TMEM50B: variants seen among roughly 807,000 people sequenced by gnomAD.
TMEM50B encodes the protein transmembrane protein 50B.
TMEM50B carries 14 observed loss-of-function variants against 23.4 expected under a neutral mutation model. The ratio of observed to expected loss-of-function variants is 0.60; its 90% CI spans 0.39 to 0.93. The LOEUF is 0.93. Ranked by LOEUF, TMEM50B falls within the 40% of genes least tolerant of loss-of-function variation. TMEM50B has a pLI of 0.00. For synonymous variants in TMEM50B, 64 were observed against 62.3 expected (o/e 1.03, Z -0.13); for missense variants, 159 against 193.0 (o/e 0.82, Z 1.04).
rs1416758316 is a variant in TMEM50B at position 33,479,961 on chromosome 21, C to T, written c.-165G>A. On this transcript the variant is annotated 5_prime_UTR_variant, in exon 1 of 7. Transcript: ENST00000542230. ...CCGGGAGCCCGGAGCTGGGAGCAGA[C>T]GCGAGGATAGAGCGCCGGTGAGGCG... 1 of 152,206 alleles carries T rather than the reference C, an allele frequency of 6.6e-6. No homozygotes were observed. The highest frequency in any genetic ancestry group is 1.5e-5 in the Non-Finnish European group (1 of 68,066). The allele number at this position is 152,206 out of a possible 1,614,324, so 9.4% of individuals were successfully genotyped here.
rs375396057 is a variant in TMEM50B, at chr21:33,460,418, G to A, written c.368C>T (p.Thr123Ile). Residue 123 changes from threonine to isoleucine, a missense_variant, in exon 5 of 7, where the codon ACC becomes ATC. Physicochemically the swap from Thr to Ile is moderately conservative, Grantham distance 89. Coordinates refer to ENST00000542230, the MANE Select transcript of TMEM50B (RefSeq NM_006134.7). Reference protein sequence around the residue: ...SMWILFGAYVTQNTDVYPGLA... With the variant: ...SMWILFGAYVIQNTDVYPGLA... Reference sequence around the variant, plus strand: ...CAAGAAGAATATATACTTACTTTGGGTAACATATGCACCAAAAAGAATCCA... The same window carrying A: ...CAAGAAGAATATATACTTACTTTGGATAACATATGCACCAAAAAGAATCCA... 3.9e-5 allele frequency: 62 copies of A among 1,592,302 alleles called. No homozygotes were observed. The highest frequency in any genetic ancestry group is 5.2e-5 in the Non-Finnish European group (60 of 1,163,042).
At chr21:33,451,932 A>G (rs1177507345) in intron 6 of TMEM50B, among the ~76,000 whole-genome samples, 2 of 152,184 alleles carry the variant, frequency 1.3e-5, no homozygotes, top group Admixed American at 6.5e-5. Flanking sequence ...ATGTAAATAA[A>G]AGAGGTTGTA....
intron 7 of TMEM50B, among the ~76,000 whole-genome samples, chr21:33,440,325 C>T (rs967399486): frequency 6.6e-6 from 1 of 152,164 alleles, no homozygotes; most frequent in Non-Finnish European, 1.5e-5. Flanking sequence ...TAGTGGTTCA[C>T]ACCTGTAATC....
At chr21:33,444,646 T>A (rs1366632297), downstream of TMEM50B, among the ~76,000 whole-genome samples, 1 of 151,566 alleles carries the variant, frequency 6.6e-6, no homozygotes, top group African/African-American at 2.4e-5. Context: ...GTAGAAACTG[T>A]TGGAGCACAG....
chr21:33,451,653 C>A (rs2084121331), intron 6 of TMEM50B, among the ~76,000 whole-genome samples: 1 of 151,978 alleles, frequency 6.6e-6, no homozygotes, highest in Non-Finnish European at 1.5e-5. Context: ...GAGCTGTGGG[C>A]ATACTAAATG....
At chr21:33,457,182 A>G (rs2084176644) in intron 5 of TMEM50B, among the ~76,000 whole-genome samples, 1 of 152,102 alleles carries the variant, frequency 6.6e-6, no homozygotes, top group South Asian at 2.1e-4. Flanking sequence ...TGAACCCAGG[A>G]GGCAGAGGTT....
At chr21:33,460,215 G>C (rs1283422207) in intron 5 of TMEM50B, 198 bp downstream of exon 5, 2 of 516,684 alleles carry the variant, frequency 3.9e-6, no homozygotes, top group Non-Finnish European at 6.9e-6. Context: ...TCAGTGGCTT[G>C]GATTTCCTAA....
intron 6 of TMEM50B, among the ~76,000 whole-genome samples, chr21:33,454,016 T>C (rs2084146304): frequency 6.6e-6 from 1 of 150,884 alleles, no homozygotes; most frequent in African/African-American, 2.4e-5. Context: ...AGGCACGGAA[T>C]TGCTTGAGCC....
chr21:33,464,558 C>A (rs1354059310), intron 4 of TMEM50B, among the ~76,000 whole-genome samples: 2 of 147,926 alleles, frequency 1.4e-5, no homozygotes, highest in African/African-American at 4.9e-5. Context: ...GTAATCCCAG[C>A]ACTTTGGGAG....
chr21:33,453,484 C>G (rs747922240), intron 6 of TMEM50B, among the ~76,000 whole-genome samples: 1 of 152,070 alleles, frequency 6.6e-6, no homozygotes, highest in Non-Finnish European at 1.5e-5. Flanking sequence ...GAGACAACTT[C>G]GAGCAGCCTA....
intron 8 of TMEM50B, among the ~76,000 whole-genome samples, chr21:33,435,761 T>C (rs917561816): frequency 6.6e-5 from 10 of 151,526 alleles, no homozygotes; most frequent in Non-Finnish European, 1.5e-4. Context: ...CATGCGCCTG[T>C]AGTCCCAGCT....
At chr21:33,440,870 G>A (rs1446042696) in intron 7 of TMEM50B, among the ~76,000 whole-genome samples, 1 of 151,992 alleles carries the variant, frequency 6.6e-6, no homozygotes, top group African/African-American at 2.4e-5. Flanking sequence ...GACAGAGCAA[G>A]ACTCTGTCTC....
At chr21:33,432,697 T>C (rs762681401) in exon 9 of TMEM50B, 8 of 1,613,794 alleles carry the variant, frequency 5.0e-6, no homozygotes, top group East Asian at 2.2e-5. Context: ...CTGTTCACTT[T>C]CGTGTCCTCT....
intron 4 of TMEM50B, among the ~76,000 whole-genome samples, chr21:33,463,439 A>C (rs2123440150): frequency 1.3e-5 from 2 of 152,364 alleles, no homozygotes; most frequent in African/African-American, 4.8e-5. Context: ...CAAAGCAACC[A>C]TCATAGAAAG....
At chr21:33,476,339 C>T (rs2084369800) in intron 1 of TMEM50B, among the ~76,000 whole-genome samples, 1 of 152,050 alleles carries the variant, frequency 6.6e-6, no homozygotes, top group Non-Finnish European at 1.5e-5. Flanking sequence ...GCCAAGATCA[C>T]GCCATTGCAC....
intron 5 of TMEM50B, chr21:33,456,096 C>T (rs1298500771): frequency 1.7e-6 from 1 of 597,240 alleles, no homozygotes; most frequent in Non-Finnish European, 3.2e-6. Context: ...CTATGGCCAA[C>T]ACTGAAATGC....
downstream of TMEM50B, chr21:33,447,112 C>T (rs2084067405): frequency 6.9e-6 from 1 of 145,516 alleles, no homozygotes; most frequent in Non-Finnish European, 1.5e-5. Context: ...CACTACACTC[C>T]AGCCTGGGTG....
intron 1 of TMEM50B, chr21:33,479,043 G>C (rs560625978): frequency 3.1e-6 from 1 of 322,032 alleles, no homozygotes; most frequent in Non-Finnish European, 6.0e-6. Flanking sequence ...ACCCAGGCAC[G>C]CGCAGCGGGG....
At chr21:33,437,014 G>C (rs895571365) in intron 8 of TMEM50B, 1 of 1,598,698 alleles carries the variant, frequency 6.3e-7, no homozygotes, top group Non-Finnish European at 8.6e-7. Context: ...CAAGCCATCG[G>C]AGCTGCTAGA....
Sources: gnomAD v4.1 joint callset for allele counts (sites outside exome capture counted in the v4.1 genomes callset) on GRCh38, gnomAD v4.1.1 for gene constraint, MANE v1.5 for transcripts, NCBI Gene and HGNC (gene_info 2026-07-23, HGNC 2026-07-21) for gene names.